The following MROH2B variants were observed in gnomAD, a reference collection of about 807,000 sequenced individuals.
The protein encoded by MROH2B is maestro heat-like repeat-containing protein family member 2B.
Under a neutral mutation model 208.6 loss-of-function variants are expected in MROH2B, and 177 were observed. That is an observed-to-expected ratio of 0.85 (90% CI 0.75 to 0.96). The LOEUF (loss-of-function observed/expected upper bound fraction) is 0.96, where lower values mean the gene tolerates loss of function less well. Among genes scored for constraint, MROH2B ranks in the 40% least tolerant of loss-of-function variants. The pLI is 0.00. For synonymous variants in MROH2B, 728 were observed against 659.0 expected (o/e 1.10, Z -1.60); for missense variants, 2,002 against 1,878.7 (o/e 1.07, Z -1.21).
In MROH2B at chr5:41,018,821, G is replaced by A. The variant is rs1359145844; in HGVS notation, c.2578-35C>T. On this transcript the variant is annotated intron_variant, in intron 25 of 41. Transcript: ENST00000399564. ...AATATGTGTGTGTGAGTCTCAGGCT[G>A]GGGTGAGAGAGTAAGGCCCCACTGC... The A allele has an allele frequency of 3.1e-6, 5 of 1,597,368 alleles. No homozygotes were observed. In the African/African-American group the frequency reaches 6.7e-5, roughly 21 times the overall value.
chr5:41,000,056 A>G (rs1253772712), intron 39 of MROH2B, 164 bp downstream of exon 39: 3 of 903,192 alleles, frequency 3.3e-6, no homozygotes, highest in Non-Finnish European at 3.3e-6. Flanking sequence ...CTGTGGCAGG[A>G]TACCTCTATG....
intron 18 of MROH2B, among the ~76,000 whole-genome samples, chr5:41,043,230 A>G (rs1401130949): frequency 1.3e-5 from 2 of 152,222 alleles, no homozygotes; most frequent in Admixed American, 6.5e-5. Flanking sequence ...AAAGAGGTGG[A>G]GCAGTTGCTG....
In MROH2B at chr5:41,008,776, A is replaced by C; in HGVS notation, c.3438T>G (p.Tyr1146Ter). The C allele has an allele frequency of 6.2e-7, 1 of 1,613,308 alleles. No homozygotes were observed. The highest frequency in any genetic ancestry group is 1.1e-5 in the South Asian group (1 of 90,930). Residue 1146 changes from tyrosine to a stop codon, truncating the protein, a stop_gained, in exon 33 of 42, where the codon TAT becomes TAG. Coordinates refer to ENST00000399564, the MANE Select transcript of MROH2B (RefSeq NM_173489.5). LOFTEE classifies it high-confidence loss of function. ...CAGAGGTGCCCATTGAGATCACTTC[A>C]TACATAGCACAGGCCACCTGAGGGG... Reference protein sequence around the residue: ...VEAISVACAMYEVISMGTSVT... With the variant: ...VEAISVACAM
chr5:41,045,630 T>TC, intron 18 of MROH2B, 116 bp downstream of exon 18: 1 of 421,222 alleles, frequency 2.4e-6, no homozygotes, highest in Non-Finnish European at 3.8e-6. Context: ...AGGGAACTCT[T>TC]TTTTTTTTTA....
intron 20 of MROH2B, among the ~76,000 whole-genome samples, chr5:41,039,193 T>C (rs10069288): frequency 0.6 from 91,788 of 151,818 alleles, 28,227 homozygotes; most frequent in Non-Finnish European, 0.66. Context: ...GAGGGCCGAG[T>C]GGTTGGTAGA....
At chr5:41,004,093 C>T (rs1358568402) in intron 37 of MROH2B, among the ~76,000 whole-genome samples, 1 of 152,146 alleles carries the variant, frequency 6.6e-6, no homozygotes. Flanking sequence ...AGGGTCCTTC[C>T]TAGGGCATTT....
Position 41,070,454 on chromosome 5 carries a change from C to G in MROH2B, c.28+371G>C, listed in dbSNP as rs1410800937. Among the ~76,000 whole-genome samples, 6 of 152,236 alleles carry G rather than the reference C, an allele frequency of 3.9e-5. No homozygotes were observed. The East Asian group carries it at 1.2e-3, about 29-fold the overall frequency. ...ATTAACCTCCACACCAAACAACATA[C>G]TCATTTAGGGCAATCTTTTTGGCAA... On this transcript the variant is annotated intron_variant, in intron 1 of 41. Transcript: ENST00000399564.
At chr5:41,029,328 C>T (rs1373251312) in intron 24 of MROH2B, among the ~76,000 whole-genome samples, 7 of 152,002 alleles carry the variant, frequency 4.6e-5, no homozygotes, top group Non-Finnish European at 4.4e-5. Context: ...TATATATTTT[C>T]TTGCTATTGA....
chr5:41,036,640 T>A (rs76145868), intron 21 of MROH2B, among the ~76,000 whole-genome samples: 6,162 of 152,164 alleles, frequency 0.04, 126 homozygotes, highest in African/African-American at 0.058. Context: ...TGAGTTAATA[T>A]TGAGCACATA....
At position 41,010,043 on chromosome 5, in the gene MROH2B, G is replaced by C. The variant is rs1263107970; in HGVS notation, c.3172C>G (p.Pro1058Ala). 1.9e-5 allele frequency: 30 copies of C among 1,613,712 alleles called. No individual in the cohort carries two copies. The highest frequency in any genetic ancestry group is 2.5e-5 in the Non-Finnish European group (29 of 1,179,822). ...CTTTCTTCTTTTTGTCTGAGGACTG[G>C]CATGTGATGGTAGATTGTGCCTAAG... ...EILGTIYHHM[P>A]VLRQKEESFQ... is the part of the protein sequence containing the mutation. The change falls in exon 31 of 42, where the codon CCA (proline) becomes GCA (alanine). Residue 1058 changes from proline to alanine, a missense_variant. Physicochemically the swap from Pro to Ala is conservative, Grantham distance 27 (BLOSUM62 -1). Transcript: ENST00000399564.
At position 41,019,141 on chromosome 5, in the gene MROH2B, G is replaced by A. The variant is rs900419493; in HGVS notation, c.2442-123C>T. 9.9e-6 allele frequency: 12 copies of A among 1,210,624 alleles called. No individual in the cohort carries two copies. In the East Asian group the frequency reaches 2.0e-4, roughly 20 times the overall value. 75.0% of individuals were successfully genotyped at this position (1,210,624 alleles called of 1,614,324 possible). On this transcript the variant is annotated intron_variant, in intron 24 of 41. Coordinates refer to ENST00000399564, the MANE Select transcript of MROH2B (RefSeq NM_173489.5). ...ACTAACGTGTCACATTTTCTGACACGTTGGGATGTTGAGAAAGGTGGTGAC... is the reference window on the plus strand; with the variant it reads ...ACTAACGTGTCACATTTTCTGACACATTGGGATGTTGAGAAAGGTGGTGAC...
intron 40 of MROH2B, 149 bp downstream of exon 40, chr5:40,999,528 T>C (rs1312027341): frequency 1.8e-6 from 1 of 547,928 alleles, no homozygotes; most frequent in East Asian, 3.1e-5. Flanking sequence ...GGGAGGATGT[T>C]ACATGACGTA....
chr5:41,007,535 T>C, intron 33 of MROH2B, 81 bp from the exon 34 acceptor site: 6 of 1,268,930 alleles, frequency 4.7e-6, no homozygotes, highest in Non-Finnish European at 6.1e-6. Flanking sequence ...TTTCCACTCC[T>C]CACAATGCTT....
At chr5:40,999,892 C>T (rs1204127841) in intron 39 of MROH2B, 113 bp from the exon 40 acceptor site, 2 of 897,540 alleles carry the variant, frequency 2.2e-6, no homozygotes, top group Non-Finnish European at 3.4e-6. Flanking sequence ...ACTCACACAG[C>T]CATAAATTAA....
chr5:41,042,206 T>G lies in MROH2B; in HGVS notation c.1839A>C (p.Lys613Asn). The G allele has an allele frequency of 6.5e-7, 1 of 1,547,032 alleles. No homozygotes were observed. The highest frequency in any genetic ancestry group is 8.8e-7 in the Non-Finnish European group (1 of 1,136,654). Residue 613 changes from lysine to asparagine, a missense_variant and splice_region_variant, in exon 19 of 42, where the codon AAA becomes AAC. By Grantham distance (94) the Lys-to-Asn change is moderately conservative (BLOSUM62 0). Coordinates refer to ENST00000399564, the MANE Select transcript of MROH2B (RefSeq NM_173489.5). The part of the protein sequence containing the change: ...GSYSNNSTEK[K>N]FLWKALGTTL... The stretch of plus-strand genomic sequence containing the variant: ...TGGTTCCCAAGGCTTTCCAAAGGAA[T>G]TTCTGGAAAACAAAAGATAAGCAAC...
chr5:41,002,732 T>C (rs1360345885), intron 37 of MROH2B, among the ~76,000 whole-genome samples: 1 of 152,104 alleles, frequency 6.6e-6, no homozygotes, highest in Non-Finnish European at 1.5e-5. Context: ...ATTTTATCCT[T>C]CTCTGATGAC....
chr5:41,004,293 T>C, intron 37 of MROH2B, 53 bp downstream of exon 37: 1 of 1,576,770 alleles, frequency 6.3e-7, no homozygotes. Flanking sequence ...TACCTAAACC[T>C]GTTTCTGTTC....
chr5:41,025,200 G>A (rs1026734333), intron 24 of MROH2B, among the ~76,000 whole-genome samples: 3 of 151,904 alleles, frequency 2.0e-5, no homozygotes, highest in Admixed American at 6.6e-5. Flanking sequence ...AGAACCAAAG[G>A]AGATAGAGAC....
rs763628705 is a variant in MROH2B at position 41,064,474 on chromosome 5, A to G, written c.458T>C (p.Ile153Thr). Reference sequence around the variant, plus strand: ...AAGGAAATCATCGGGATACCCACCAATACAGAAAGTCCCCTTCATCCTTTC... The same window carrying G: ...AAGGAAATCATCGGGATACCCACCAGTACAGAAAGTCCCCTTCATCCTTTC... ...EDERMKGTFC[I>T]ALEKFSKAIY... is the part of the protein sequence containing the mutation. The change falls in exon 5 of 42, where the codon ATT becomes ACT. Residue 153 changes from isoleucine (I) to threonine (T), a missense_variant and splice_region_variant. Coordinates refer to ENST00000399564, the MANE Select transcript of MROH2B (RefSeq NM_173489.5). 7 of 1,612,886 alleles carry G rather than the reference A, an allele frequency of 4.3e-6. No individual in the cohort carries two copies. The African/African-American group carries it at 9.3e-5, about 22-fold the overall frequency.
Sources: gnomAD v4.1 joint callset for allele counts (sites outside exome capture counted in the v4.1 genomes callset) on GRCh38, gnomAD v4.1.1 for gene constraint, MANE v1.5 for transcripts, NCBI Gene and HGNC (gene_info 2026-07-23, HGNC 2026-07-21) for gene names.